SLC6A6: variants seen among roughly 807,000 people sequenced by gnomAD.
SLC6A6 encodes the protein solute carrier family 6 member 6.
Under a neutral mutation model 68.8 loss-of-function variants are expected in SLC6A6, and 16 were observed. The observed-to-expected ratio is 0.23, with a 90% CI of 0.16 to 0.35. SLC6A6 has a LOEUF of 0.35. Ranked by LOEUF, SLC6A6 falls within the 10% of genes least tolerant of loss-of-function variation. The pLI is 1.00. For missense variants in SLC6A6, 474 were observed against 802.8 expected, an observed-to-expected ratio of 0.59 and a Z score of 4.95; for synonymous variants, 312 against 315.4, an observed-to-expected ratio of 0.99 and a Z score of 0.12.
rs1680426848 is a variant in SLC6A6, at chr3:14,486,022, T to G, written c.*1015T>G. ...TGAATGGGGTCATAGCAGGTTCTGG[T>G]CATTCCCCAAGCAACATCTCAGCAT... On this transcript the variant is annotated 3_prime_UTR_variant, in exon 15 of 15. Transcript: ENST00000622186. 1 of 152,570 alleles carries G rather than the reference T, an allele frequency of 6.6e-6. No homozygotes were observed. The highest frequency in any genetic ancestry group is 2.4e-5 in the African/African-American group (1 of 41,408). 9.5% of individuals were successfully genotyped at this position (152,570 alleles called of 1,614,324 possible).
chr3:14,413,475 T>A (rs1255420983), intron 1 of SLC6A6, among the ~76,000 whole-genome samples: 1 of 152,204 alleles, frequency 6.6e-6, no homozygotes, highest in African/African-American at 2.4e-5. Context: ...CTGGGAAAAG[T>A]AGAACACGTA....
chr3:14,483,716 G>A (rs1701067077), intron 14 of SLC6A6, among the ~76,000 whole-genome samples: 1 of 152,168 alleles, frequency 6.6e-6, no homozygotes, highest in Admixed American at 6.5e-5. Flanking sequence ...AATAGAGACA[G>A]GGTCTTGCTC....
intron 2 of SLC6A6, among the ~76,000 whole-genome samples, chr3:14,422,431 G>A (rs749469616): frequency 2.6e-5 from 4 of 152,130 alleles, no homozygotes; most frequent in Admixed American, 2.0e-4. Flanking sequence ...TGGCAGTGCC[G>A]AGCTTGGGTG....
intron 14 of SLC6A6, among the ~76,000 whole-genome samples, chr3:14,482,909 C>A (rs1410721964): frequency 1.3e-5 from 2 of 152,126 alleles, no homozygotes; most frequent in African/African-American, 4.8e-5. Flanking sequence ...TGTCCCGAGC[C>A]CTCCAGGTGA....
chr3:14,454,755 G>A (rs753238145), intron 5 of SLC6A6, among the ~76,000 whole-genome samples: 6 of 152,146 alleles, frequency 3.9e-5, no homozygotes, highest in Non-Finnish European at 8.8e-5. Context: ...TTTGCAAAGT[G>A]CATCCCCCTC....
At chr3:14,428,042 T>C (rs867074571) in intron 2 of SLC6A6, among the ~76,000 whole-genome samples, 22 of 152,062 alleles carry the variant, frequency 1.4e-4, no homozygotes, top group Non-Finnish European at 2.1e-4. Flanking sequence ...AGGGAGGTGA[T>C]GGCAGGTTTT....
chr3:14,440,350 C>G (rs115439371), intron 2 of SLC6A6, among the ~76,000 whole-genome samples: 1 of 151,968 alleles, frequency 6.6e-6, no homozygotes, highest in African/African-American at 2.4e-5. Flanking sequence ...TTTTATACTG[C>G]GGCTCCAACA....
intron 7 of SLC6A6, among the ~76,000 whole-genome samples, chr3:14,467,381 A>C (rs1700644183): frequency 6.6e-6 from 1 of 152,022 alleles, no homozygotes; most frequent in East Asian, 1.9e-4. Flanking sequence ...TCTGCATTCT[A>C]ACTCGGGGGT....
At chr3:14,437,823 T>A (rs1368665421) in intron 2 of SLC6A6, among the ~76,000 whole-genome samples, 1 of 151,020 alleles carries the variant, frequency 6.6e-6, no homozygotes, top group African/African-American at 2.4e-5. Flanking sequence ...TATTTTATTT[T>A]ATTTTATTTA....
chr3:14,415,716 C>T (rs1699348245), intron 1 of SLC6A6, among the ~76,000 whole-genome samples: 1 of 152,108 alleles, frequency 6.6e-6, no homozygotes, highest in South Asian at 2.1e-4. Context: ...AACAGAACCC[C>T]CCCGCTCCAA....
rs1005174469 is a variant in SLC6A6, at chr3:14,447,725, C to T, written c.508C>T (p.His170Tyr). 5.6e-6 allele frequency: 9 copies of T among 1,614,220 alleles called. No individual in the cohort carries two copies. In the East Asian group the frequency reaches 1.8e-4, roughly 32 times the overall value. The change falls in exon 5 of 15, where the codon CAC becomes TAC. Residue 170 changes from histidine (H) to tyrosine (Y), a missense_variant. Physicochemically the swap from His to Tyr is moderately conservative, Grantham distance 83. Coordinates refer to ENST00000622186, the MANE Select transcript of SLC6A6 (RefSeq NM_003043.6). ...AHCNHSWNTPHCMEDTMRKNK... is the reference protein window; with the variant it reads ...AHCNHSWNTPYCMEDTMRKNK... ...CTGCAACCACAGCTGGAACACACCT[C>T]ACTGCATGGAGGACACCATGCGCAA... is the stretch of plus-strand genomic sequence containing the variant.
At chr3:14,449,643 C>A (rs777384645) in intron 5 of SLC6A6, among the ~76,000 whole-genome samples, 1 of 152,232 alleles carries the variant, frequency 6.6e-6, no homozygotes, top group Non-Finnish European at 1.5e-5. Flanking sequence ...GTGGTATCCT[C>A]ACCTGCACCT....
intron 2 of SLC6A6, among the ~76,000 whole-genome samples, chr3:14,432,216 A>G (rs1280820539): frequency 6.6e-6 from 1 of 152,220 alleles, no homozygotes; most frequent in African/African-American, 2.4e-5. Context: ...TAAAAGGAGA[A>G]GGTCAAGGAA....
At chr3:14,464,484 A>G (rs1700570108) in intron 6 of SLC6A6, among the ~76,000 whole-genome samples, 1 of 152,254 alleles carries the variant, frequency 6.6e-6, no homozygotes, top group Admixed American at 6.5e-5. Flanking sequence ...GGCACACAGT[A>G]AGTGCTCAAT....
intron 9 of SLC6A6, among the ~76,000 whole-genome samples, chr3:14,470,562 G>T (rs1041198407): frequency 6.6e-6 from 1 of 152,112 alleles, no homozygotes; most frequent in South Asian, 2.1e-4. Context: ...ATACAGAAAC[G>T]AGCGAATTGA....
At chr3:14,444,617 G>A (rs1700069923) in intron 3 of SLC6A6, 1 of 408,104 alleles carries the variant, frequency 2.5e-6, no homozygotes, top group Admixed American at 2.6e-5. Flanking sequence ...CACGGCTGGT[G>A]ACTGCTTGTT....
chr3:14,484,813 G>A (rs572175624), intron 14 of SLC6A6, 54 bp from the exon 15 acceptor site: 1 of 1,594,094 alleles, frequency 6.3e-7, no homozygotes, highest in East Asian at 2.2e-5. Flanking sequence ...CCCTGGCGAA[G>A]GGGAGACCAG....
At chr3:14,462,943 T>TGAGG (rs1700529508) in intron 6 of SLC6A6, among the ~76,000 whole-genome samples, 1 of 152,034 alleles carries the variant, frequency 6.6e-6, no homozygotes, top group Admixed American at 6.6e-5. Context: ...ATTGTCAGGG[T>TGAGG]GAGGGAGGCC....
chr3:14,478,793 G>A (rs948781111), intron 12 of SLC6A6: 8 of 596,268 alleles, frequency 1.3e-5, no homozygotes, highest in Non-Finnish European at 2.1e-5. Flanking sequence ...GAACTTGGTT[G>A]TGCAGGACCT....
Sources: gnomAD v4.1 joint callset for allele counts (sites outside exome capture counted in the v4.1 genomes callset) on GRCh38, gnomAD v4.1.1 for gene constraint, MANE v1.5 for transcripts, NCBI Gene and HGNC (gene_info 2026-07-23, HGNC 2026-07-21) for gene names.